Variants in SDCCAG8 observed in about 807,000 individuals in gnomAD.
SDCCAG8 encodes the protein SHH signaling and ciliogenesis regulator SDCCAG8, also known as serologically defined colon cancer antigen 8.
A neutral mutation model predicts 101.8 loss-of-function variants in SDCCAG8; 74 were observed. The ratio of observed to expected loss-of-function variants is 0.73; its 90% confidence interval spans 0.60 to 0.88. SDCCAG8 has a LOEUF of 0.88. Among genes scored for constraint, SDCCAG8 ranks in the 40% least tolerant of loss-of-function variants. SDCCAG8 has a pLI of 0.00. For missense variants in SDCCAG8, 787 were observed against 822.6 expected, an observed-to-expected ratio of 0.96 and a Z score of 0.53; for synonymous variants, 281 against 292.9, an observed-to-expected ratio of 0.96 and a Z score of 0.41.
intron 10 of SDCCAG8, among the ~76,000 whole-genome samples, chr1:243,339,856 A>G (rs987660056): frequency 1.3e-5 from 2 of 152,240 alleles, no homozygotes; most frequent in Non-Finnish European, 2.9e-5. Flanking sequence ...AAGCATCATT[A>G]TTTAAAATGT....
chr1:243,361,067 T>C (rs2076683106), intron 12 of SDCCAG8, among the ~76,000 whole-genome samples: 1 of 152,186 alleles, frequency 6.6e-6, no homozygotes, highest in African/African-American at 2.4e-5. Flanking sequence ...CGAGCTCTCT[T>C]GGATCCTCTT....
At chr1:243,262,025 G>T (rs887226821) in intron 1 of SDCCAG8, among the ~76,000 whole-genome samples, 1 of 151,602 alleles carries the variant, frequency 6.6e-6, no homozygotes, top group Non-Finnish European at 1.5e-5. Context: ...GGTCAGGCTG[G>T]TCTCAAACTC....
chr1:243,294,337 A>C (rs896762074), intron 6 of SDCCAG8, among the ~76,000 whole-genome samples: 1 of 151,914 alleles, frequency 6.6e-6, no homozygotes, highest in Non-Finnish European at 1.5e-5. Flanking sequence ...TTTCCATACT[A>C]TTTTTGTGAA....
intron 16 of SDCCAG8, among the ~76,000 whole-genome samples, chr1:243,439,350 G>A (rs553782943): frequency 6.5e-4 from 99 of 151,954 alleles, no homozygotes; most frequent in African/African-American, 2.1e-3. Flanking sequence ...CTGGCCGGCC[G>A]CAGTGGCTCA....
rs758134060 is a variant in SDCCAG8 at position 243,426,586 on chromosome 1, T to C, written c.1985+28T>C. 20 of 1,613,650 alleles carry C rather than the reference T, an allele frequency of 1.2e-5. No homozygotes were observed. The East Asian group carries it at 4.2e-4, about 34-fold the overall frequency. On this transcript the variant is annotated intron_variant, in intron 16 of 17. Coordinates refer to ENST00000366541, the MANE Select transcript of SDCCAG8 (RefSeq NM_006642.5). ...AATCAAGGTTTCATGTCAACTCATG[T>C]GCCGCATATTGAATGTGTTTGGTTT... is the stretch of plus-strand genomic sequence containing the variant.
intron 11 of SDCCAG8, among the ~76,000 whole-genome samples, chr1:243,342,517 C>T (rs1480487814): frequency 2.0e-5 from 3 of 152,182 alleles, no homozygotes; most frequent in African/African-American, 4.8e-5. Flanking sequence ...TAAATAAGAC[C>T]TGCTGCTTAA....
At chr1:243,306,205 C>T (rs1389764914) in intron 7 of SDCCAG8, 2 of 149,376 alleles carry the variant, frequency 1.3e-5, no homozygotes, top group African/African-American at 4.9e-5. Context: ...TAGGATTTCT[C>T]TTAGAGATTT....
chr1:243,275,855 T>C (rs948055533), intron 4 of SDCCAG8, among the ~76,000 whole-genome samples: 29 of 127,504 alleles, frequency 2.3e-4, no homozygotes, highest in African/African-American at 5.3e-4. Flanking sequence ...CTTGAACCAA[T>C]GTTTTTTTTT....
At chr1:243,443,552 T>G (rs2082687437) in intron 16 of SDCCAG8, among the ~76,000 whole-genome samples, 1 of 152,224 alleles carries the variant, frequency 6.6e-6, no homozygotes, top group Admixed American at 6.5e-5. Context: ...GCAAGGCAGC[T>G]AGACCCCACC....
At chr1:243,389,316 C>T (rs2078551028) in intron 13 of SDCCAG8, among the ~76,000 whole-genome samples, 1 of 152,152 alleles carries the variant, frequency 6.6e-6, no homozygotes, top group Admixed American at 6.5e-5. Context: ...GAGGCATCAT[C>T]AGTTCTTCAC....
At chr1:243,318,587 C>T (rs2073472186) in intron 9 of SDCCAG8, 1 of 984,744 alleles carries the variant, frequency 1.0e-6, no homozygotes, top group Admixed American at 6.1e-5. Context: ...TGTCTTTATC[C>T]AGTTCATCCA....
At chr1:243,367,564 T>C (rs1282195178) in intron 12 of SDCCAG8, among the ~76,000 whole-genome samples, 4 of 152,150 alleles carry the variant, frequency 2.6e-5, no homozygotes, top group Admixed American at 2.6e-4. Flanking sequence ...TCTTCACCAG[T>C]CACCCTCTTT....
At chr1:243,369,155 A>G (rs58524910) in intron 12 of SDCCAG8, among the ~76,000 whole-genome samples, 1,761 of 152,260 alleles carry the variant, frequency 0.012, 31 homozygotes, top group African/African-American at 0.041. Context: ...GGAGACATTC[A>G]TACCCTATCT....
Position 243,303,634 on chromosome 1 carries a change from C to T in SDCCAG8, c.676-1079C>T, listed in dbSNP as rs989891748. On this transcript the variant is annotated intron_variant, in intron 6 of 17. Coordinates refer to ENST00000366541, the MANE Select transcript of SDCCAG8 (RefSeq NM_006642.5). ...CTTTTCCTTATGATTTTCCTAATAA[C>T]ATTATCTTTTCTCTAGATTGCTTTC... Among the ~76,000 whole-genome samples, 6 of 152,152 alleles carry T rather than the reference C, an allele frequency of 3.9e-5. No homozygotes were observed. In the South Asian group the frequency reaches 1.0e-3, roughly 26 times the overall value.
chr1:243,341,835 A>G (rs1449177108), intron 11 of SDCCAG8, among the ~76,000 whole-genome samples: 1 of 152,212 alleles, frequency 6.6e-6, no homozygotes, highest in African/African-American at 2.4e-5. Flanking sequence ...CTAGATTTCA[A>G]TAGTTAATTG....
intron 16 of SDCCAG8, among the ~76,000 whole-genome samples, chr1:243,446,826 G>A (rs560208675): frequency 6.6e-6 from 1 of 152,274 alleles, no homozygotes; most frequent in South Asian, 2.1e-4. Flanking sequence ...GCTTGGGGCT[G>A]CAGCCAGGCT....
At chr1:243,494,711 T>C (rs1667379937) in intron 17 of SDCCAG8, among the ~76,000 whole-genome samples, 1 of 152,262 alleles carries the variant, frequency 6.6e-6, no homozygotes, top group Admixed American at 6.5e-5. Flanking sequence ...GAATTTTATA[T>C]TCCTTCAGAT....
chr1:243,267,285 T>A, intron 1 of SDCCAG8: 1 of 205,160 alleles, frequency 4.9e-6, no homozygotes, highest in Non-Finnish European at 9.7e-6. Flanking sequence ...ATTCCAGGAA[T>A]CTTATGGATT....
At chr1:243,270,371 A>G (rs989805578) in intron 2 of SDCCAG8, 114 bp downstream of exon 2, 5 of 1,050,816 alleles carry the variant, frequency 4.8e-6, no homozygotes, top group Non-Finnish European at 7.2e-6. Context: ...TTCCTCAAAC[A>G]CAAATCAGAT....
Sources: allele counts gnomAD v4.1 joint callset (sites outside exome capture counted in the v4.1 genomes callset), GRCh38; gene constraint gnomAD v4.1.1; transcripts MANE v1.5; gene names NCBI Gene and HGNC (gene_info 2026-07-23, HGNC 2026-07-21).